Variants in MB21D2 observed in about 807,000 individuals in gnomAD.
MB21D2 encodes the protein Mab-21 domain containing 2.
In MB21D2, 9 loss-of-function variants were observed where a neutral mutation model predicts 33.3. The ratio of observed to expected loss-of-function variants is 0.27; its 90% confidence interval spans 0.16 to 0.47. The LOEUF is 0.47. Ranked by LOEUF, MB21D2 falls within the 20% of genes least tolerant of loss-of-function variation. MB21D2 has a pLI of 0.99. For missense variants in MB21D2, 540 were observed against 624.6 expected (o/e 0.86, Z 1.44); for synonymous variants, 241 against 236.3 (o/e 1.02, Z -0.18).
chr3:192,825,139 C>A (rs1187469775), intron 1 of MB21D2, among the ~76,000 whole-genome samples: 1 of 152,202 alleles, frequency 6.6e-6, no homozygotes, highest in African/African-American at 2.4e-5. Flanking sequence ...GATATTCAGG[C>A]CACTTACCTA....
At chr3:192,912,273 C>T (rs73068320) in intron 1 of MB21D2, among the ~76,000 whole-genome samples, 6,747 of 152,264 alleles carry the variant, frequency 0.044, 366 homozygotes, top group African/African-American at 0.13. Context: ...CTTCAGAACC[C>T]TGCACGCTGA....
intron 1 of MB21D2, among the ~76,000 whole-genome samples, chr3:192,917,123 C>T (rs1714484867): frequency 6.6e-6 from 1 of 152,222 alleles, no homozygotes; most frequent in African/African-American, 2.4e-5. Flanking sequence ...GACAGCGCCG[C>T]GCCGCGAGAC....
chr3:192,864,564 T>C (rs1373663924), intron 1 of MB21D2, among the ~76,000 whole-genome samples: 5 of 152,310 alleles, frequency 3.3e-5, no homozygotes, highest in Non-Finnish European at 7.3e-5. Context: ...TGAAGTGCAA[T>C]GGCACAATCT....
At chr3:192,880,644 C>T (rs1713540236) in intron 1 of MB21D2, among the ~76,000 whole-genome samples, 2 of 152,086 alleles carry the variant, frequency 1.3e-5, no homozygotes. Flanking sequence ...TCTCAAGGAG[C>T]TGACAGCTAG....
chr3:192,820,976 G>A (rs1050042728), intron 1 of MB21D2, among the ~76,000 whole-genome samples: 4 of 151,852 alleles, frequency 2.6e-5, no homozygotes, highest in Non-Finnish European at 5.9e-5. Context: ...CTATGTTGCT[G>A]AGGCTAGTCC....
At chr3:192,816,676 G>A (rs777818271) in intron 1 of MB21D2, among the ~76,000 whole-genome samples, 4 of 152,160 alleles carry the variant, frequency 2.6e-5, no homozygotes, top group Non-Finnish European at 4.4e-5. Flanking sequence ...TCACATCGTC[G>A]TTGGTAAGAT....
At chr3:192,845,016 G>A (rs1437048591) in intron 1 of MB21D2, among the ~76,000 whole-genome samples, 1 of 152,162 alleles carries the variant, frequency 6.6e-6, no homozygotes, top group Non-Finnish European at 1.5e-5. Flanking sequence ...GTGATTAACA[G>A]CCACTTAAAC....
Position 192,917,614 on chromosome 3 carries a change from C to A in MB21D2, c.211+16G>T, listed in dbSNP as rs1415649182. On this transcript the variant is annotated intron_variant, in intron 1 of 1. Coordinates refer to ENST00000392452, the MANE Select transcript of MB21D2 (RefSeq NM_178496.4). ...ACACACACACGCACACACACCTCCC[C>A]CTTTTTCCTCCTTACCCAGCATGGA... The A allele has an allele frequency of 1.1e-5, 18 of 1,613,362 alleles. No individual in the cohort carries two copies. The East Asian group carries it at 2.0e-4, about 18-fold the overall frequency.
At chr3:192,886,767 A>G (rs574085953) in intron 1 of MB21D2, among the ~76,000 whole-genome samples, 32 of 152,232 alleles carry the variant, frequency 2.1e-4, no homozygotes, top group South Asian at 1.2e-3. Context: ...ATATAACTCT[A>G]GTTCATTAAT....
At chr3:192,826,414 T>C (rs1303882202) in intron 1 of MB21D2, among the ~76,000 whole-genome samples, 1 of 152,190 alleles carries the variant, frequency 6.6e-6, no homozygotes, top group Non-Finnish European at 1.5e-5. Flanking sequence ...GGGAATCAAT[T>C]CTATTGTCTT....
chr3:192,830,058 C>T (rs143038280), intron 1 of MB21D2, among the ~76,000 whole-genome samples: 79 of 152,172 alleles, frequency 5.2e-4, no homozygotes, highest in African/African-American at 1.6e-3. Flanking sequence ...TTCTTAGAGA[C>T]GGCGTCTTGC....
At chr3:192,837,948 C>T (rs1359656448) in intron 1 of MB21D2, among the ~76,000 whole-genome samples, 1 of 152,212 alleles carries the variant, frequency 6.6e-6, no homozygotes. Flanking sequence ...ACAGAACACC[C>T]CCAAACTTAG....
chr3:192,891,195 C>G (rs1240275886), intron 1 of MB21D2, among the ~76,000 whole-genome samples: 6 of 152,118 alleles, frequency 3.9e-5, no homozygotes. Context: ...AACATAAATA[C>G]AGATTTACAT....
chr3:192,880,502 C>CA (rs1434561874), intron 1 of MB21D2, among the ~76,000 whole-genome samples: 4 of 152,040 alleles, frequency 2.6e-5, no homozygotes, highest in African/African-American at 9.7e-5. Flanking sequence ...AGCAACCCAC[C>CA]AAAGCCTCAA....
chr3:192,892,803 G>A (rs1713880027), intron 1 of MB21D2, among the ~76,000 whole-genome samples: 1 of 152,104 alleles, frequency 6.6e-6, no homozygotes, highest in Non-Finnish European at 1.5e-5. Context: ...TATAGCAACT[G>A]AAAAGCAGAA....
chr3:192,862,274 C>A (rs1387358739), intron 1 of MB21D2, among the ~76,000 whole-genome samples: 1 of 152,198 alleles, frequency 6.6e-6, no homozygotes, highest in Non-Finnish European at 1.5e-5. Flanking sequence ...TTTGAAGGAA[C>A]TGGGAACATT....
intron 1 of MB21D2, among the ~76,000 whole-genome samples, chr3:192,858,853 A>G (rs1194410806): frequency 6.6e-6 from 1 of 152,214 alleles, no homozygotes; most frequent in African/African-American, 2.4e-5. Flanking sequence ...CTCTATTTAC[A>G]GCGTACAAAC....
intron 1 of MB21D2, among the ~76,000 whole-genome samples, chr3:192,902,425 A>G (rs1714122984): frequency 6.6e-6 from 1 of 152,190 alleles, no homozygotes; most frequent in South Asian, 2.1e-4. Context: ...TCTTATCTAT[A>G]AAGTGCGGAC....
chr3:192,876,609 C>T (rs774169615), intron 1 of MB21D2, among the ~76,000 whole-genome samples: 3 of 152,188 alleles, frequency 2.0e-5, no homozygotes, highest in Non-Finnish European at 4.4e-5. Context: ...CTTAGGATAG[C>T]GCCCTACATC....
Sources: gnomAD v4.1 joint callset for allele counts (sites outside exome capture counted in the v4.1 genomes callset) on GRCh38, gnomAD v4.1.1 for gene constraint, MANE v1.5 for transcripts, NCBI Gene and HGNC (gene_info 2026-07-23, HGNC 2026-07-21) for gene names.